The following LGR5 variants were observed in gnomAD, a reference collection of about 807,000 sequenced individuals.
The protein encoded by LGR5 is leucine-rich repeat-containing G protein-coupled receptor 5.
LGR5 carries 54 observed loss-of-function variants against 76.7 expected under a neutral mutation model. The ratio of observed to expected loss-of-function variants is 0.70; its 90% CI spans 0.57 to 0.88. The LOEUF (loss-of-function observed/expected upper bound fraction) is 0.88. LGR5 is among the 40% of genes least tolerant of loss of function. LGR5 has a pLI of 0.00. For missense variants in LGR5, 1,078 were observed against 1,073.3 expected (o/e 1.00, Z -0.06); for synonymous variants, 406 against 421.9 (o/e 0.96, Z 0.46).
At chr12:71,501,665 T>C (rs1874611415) in intron 1 of LGR5, among the ~76,000 whole-genome samples, 1 of 152,244 alleles carries the variant, frequency 6.6e-6, no homozygotes, top group African/African-American at 2.4e-5. Flanking sequence ...TGGAAACTTT[T>C]GTAGTCATTT....
At chr12:71,576,075 C>A (rs1160856597) in intron 13 of LGR5, among the ~76,000 whole-genome samples, 1 of 151,968 alleles carries the variant, frequency 6.6e-6, no homozygotes, top group African/African-American at 2.4e-5. Context: ...ATACCACACA[C>A]CAGGGCCTAT....
intron 2 of LGR5, among the ~76,000 whole-genome samples, chr12:71,513,382 T>A (rs573650964): frequency 6.6e-6 from 1 of 152,324 alleles, no homozygotes; most frequent in South Asian, 2.1e-4. Flanking sequence ...ATACAGCCAT[T>A]GTGTCCCTGC....
Position 71,580,305 on chromosome 12 carries a change from G to A in LGR5, c.1434G>A (p.Gln478=). The A allele has an allele frequency of 6.2e-7, 1 of 1,613,684 alleles. No individual in the cohort carries two copies. The highest frequency in any genetic ancestry group is 8.5e-7 in the Non-Finnish European group (1 of 1,179,768). The change falls in exon 16 of 18, where the codon CAG becomes CAA. Residue 478 remains glutamine (Q), a synonymous_variant. Coordinates refer to ENST00000266674, the MANE Select transcript of LGR5 (RefSeq NM_003667.4). ...LKVIEMPYAY[Q]CCAFGVCENA... is the part of the protein sequence containing the mutation. Reference sequence around the variant, plus strand: ...TTATAGAAATGCCTTATGCTTACCAGTGCTGTGCATTTGGAGTGTGTGAGA... The same window carrying A: ...TTATAGAAATGCCTTATGCTTACCAATGCTGTGCATTTGGAGTGTGTGAGA...
Position 71,578,938 on chromosome 12 carries a change from G to T in LGR5, c.1406+9G>T. Reference sequence around the variant, plus strand: ...AACTTTCCAGAACTCAAGTGAGTTTGTCATTAAAACTAATAAGATACATTT... The same window carrying T: ...AACTTTCCAGAACTCAAGTGAGTTTTTCATTAAAACTAATAAGATACATTT... On this transcript the variant is annotated intron_variant, in intron 15 of 17. Coordinates refer to ENST00000266674, the MANE Select transcript of LGR5 (RefSeq NM_003667.4). The T allele has an allele frequency of 6.3e-7, 1 of 1,594,126 alleles. No homozygotes were observed. The highest frequency in any genetic ancestry group is 8.5e-7 in the Non-Finnish European group (1 of 1,171,804).
At chr12:71,490,753 G>C (rs148215884) in intron 1 of LGR5, among the ~76,000 whole-genome samples, 1 of 151,886 alleles carries the variant, frequency 6.6e-6, no homozygotes, top group Non-Finnish European at 1.5e-5. Flanking sequence ...GACTCCCAAG[G>C]CCTAACCATC....
intron 5 of LGR5, among the ~76,000 whole-genome samples, chr12:71,554,613 C>T (rs1306662671): frequency 6.6e-6 from 1 of 152,172 alleles, no homozygotes; most frequent in Non-Finnish European, 1.5e-5. Context: ...AACTAAATTC[C>T]TCCCAAAGTT....
chr12:71,580,763 C>T (rs949846976), intron 16 of LGR5, among the ~76,000 whole-genome samples: 6 of 151,882 alleles, frequency 4.0e-5, no homozygotes, highest in Admixed American at 1.3e-4. Context: ...GCTGAGATCA[C>T]GCCACTGCAC....
At chr12:71,582,213 T>G in intron 16 of LGR5, 2 of 429,748 alleles carry the variant, frequency 4.7e-6, no homozygotes, top group Non-Finnish European at 8.6e-6. Context: ...AGAATGAGAG[T>G]TTAGATGTTA....
chr12:71,508,752 C>CA (rs35401076), intron 2 of LGR5, among the ~76,000 whole-genome samples: 9,496 of 27,844 alleles, frequency 0.34, 2,276 homozygotes, highest in Non-Finnish European at 0.43. Context: ...GACTCAGTCT[C>CA]AAAAAAAAAA....
Position 71,504,683 on chromosome 12 carries a change from G to A in LGR5, c.282G>A (p.Glu94=). The part of the protein sequence containing the change: ...NPLPSLRFLE[E]LRLAGNALTY... ...TGCCCAGTCTCCGCTTCCTGGAGGA[G>A]TTGTAAGTATCACTGTAGTCTTGAT... The change falls in exon 2 of 18, where the codon GAG becomes GAA. Residue 94 remains glutamate (E), a splice_region_variant and synonymous_variant. Coordinates refer to ENST00000266674, the MANE Select transcript of LGR5 (RefSeq NM_003667.4). The A allele has an allele frequency of 6.2e-7, 1 of 1,611,026 alleles. No individual in the cohort carries two copies. Among genetic ancestry groups the A allele is most frequent in the Non-Finnish European group, 8.5e-7 (1 of 1,177,204 alleles).
chr12:71,500,309 C>A (rs551669222), intron 1 of LGR5, among the ~76,000 whole-genome samples: 2 of 152,244 alleles, frequency 1.3e-5, no homozygotes, highest in South Asian at 4.1e-4. Context: ...GATAACTGGC[C>A]TAGAAATTTA....
Position 71,577,996 on chromosome 12 carries a change from T to C in LGR5, c.1280T>C (p.Leu427Pro), listed in dbSNP as rs984593732. The C allele has an allele frequency of 1.1e-5, 18 of 1,606,270 alleles. No individual in the cohort carries two copies. The highest frequency in any genetic ancestry group is 1.5e-5 in the Non-Finnish European group (18 of 1,172,912). ...TCCACTTTGCCATCCCTAATAAAGC[T>C]GTGAGTATTCCACAACTTGTTTATG... ...AFSTLPSLIK[L>P]DLSSNLLSSF... The change falls in exon 14 of 18, where the codon CTG (leucine) becomes CCG (proline). Residue 427 changes from leucine to proline, a missense_variant and splice_region_variant. Transcript: ENST00000266674.
At chr12:71,500,816 C>G (rs1405118713) in intron 1 of LGR5, among the ~76,000 whole-genome samples, 4 of 151,936 alleles carry the variant, frequency 2.6e-5, no homozygotes, top group Non-Finnish European at 5.9e-5. Context: ...AACAACTGCT[C>G]TCATGGAATT....
At position 71,583,641 on chromosome 12, in the gene LGR5, T is replaced by C; in HGVS notation, c.1637-6T>C. The stretch of plus-strand genomic sequence containing the variant: ...TACTCAATCTTTGCCTTCCTTGGAC[T>C]TCTAGGCCCCTTCAAACCCTGTGAA... On this transcript the variant is annotated splice_polypyrimidine_tract_variant and splice_region_variant and intron_variant, in intron 17 of 17. Coordinates refer to ENST00000266674, the MANE Select transcript of LGR5 (RefSeq NM_003667.4). 1 of 1,605,418 alleles carries C rather than the reference T, an allele frequency of 6.2e-7. No homozygotes were observed.
At chr12:71,536,237 G>T (rs563557807) in intron 4 of LGR5, among the ~76,000 whole-genome samples, 1 of 152,118 alleles carries the variant, frequency 6.6e-6, no homozygotes. Flanking sequence ...AGAATCCTTC[G>T]GTTAATAATT....
chr12:71,448,902 A>G (rs1872135804), intron 1 of LGR5: 1 of 152,216 alleles, frequency 6.6e-6, no homozygotes, highest in African/African-American at 2.4e-5. Context: ...ACATGCCTGC[A>G]TTTGGCAATA....
At chr12:71,461,888 A>C (rs889693774) in intron 1 of LGR5, among the ~76,000 whole-genome samples, 2 of 152,110 alleles carry the variant, frequency 1.3e-5, no homozygotes, top group Non-Finnish European at 2.9e-5. Flanking sequence ...CCCTTGTCCC[A>C]TCTGAAGTGG....
intron 12 of LGR5, 133 bp downstream of exon 12, chr12:71,571,712 G>A: frequency 1.6e-6 from 1 of 641,488 alleles, no homozygotes; most frequent in Non-Finnish European, 2.8e-6. Context: ...CACACACAAG[G>A]TGTGACTGTG....
chr12:71,462,962 T>A (rs1341715455), intron 1 of LGR5, among the ~76,000 whole-genome samples: 2 of 152,208 alleles, frequency 1.3e-5, no homozygotes, highest in African/African-American at 2.4e-5. Flanking sequence ...GGGGCTTGAA[T>A]TTTTAATATT....
Sources: gnomAD v4.1 joint callset for allele counts (sites outside exome capture counted in the v4.1 genomes callset) on GRCh38, gnomAD v4.1.1 for gene constraint, MANE v1.5 for transcripts, NCBI Gene and HGNC (gene_info 2026-07-23, HGNC 2026-07-21) for gene names.